Variants in STRBP observed in about 807,000 individuals in gnomAD.
The protein encoded by STRBP is spermatid perinuclear RNA-binding protein.
Under a neutral mutation model 80.1 loss-of-function variants are expected in STRBP, and 13 were observed. The ratio of observed to expected loss-of-function variants is 0.16; its 90% CI spans 0.11 to 0.26. The LOEUF is 0.26. Among genes scored for constraint, STRBP ranks in the 10% least tolerant of loss-of-function variants. The pLI, the probability that STRBP is intolerant of heterozygous loss-of-function variation, is 1.00. For missense variants in STRBP, 485 were observed against 815.2 expected, an observed-to-expected ratio of 0.59 and a Z score of 4.93; for synonymous variants, 284 against 291.2, an observed-to-expected ratio of 0.98 and a Z score of 0.25.
At chr9:123,169,789 T>C in intron 6 of STRBP, 113 bp downstream of exon 6, 1 of 603,120 alleles carries the variant, frequency 1.7e-6, no homozygotes, top group Non-Finnish European at 2.3e-6. Flanking sequence ...ATAAAACAAA[T>C]GAAGGCTGTT....
chr9:123,167,473 G>C (rs889325609), intron 6 of STRBP, among the ~76,000 whole-genome samples: 1 of 152,044 alleles, frequency 6.6e-6, no homozygotes, highest in African/African-American at 2.4e-5. Context: ...TCTGAAGTGC[G>C]TAATTATAGA....
rs1463085655 is a variant in STRBP, at chr9:123,125,127, AT to A, written c.*469del. The A allele has an allele frequency of 1.0e-5, 10 of 986,072 alleles. No homozygotes were observed. The highest frequency in any genetic ancestry group is 1.2e-5 in the Non-Finnish European group (10 of 830,176). 61.1% of individuals were successfully genotyped at this position (986,072 alleles called of 1,614,324 possible). A position where few individuals can be genotyped will look rare whatever the true frequency, so the allele number is the denominator to read the frequency against. On this transcript the variant is annotated 3_prime_UTR_variant, in exon 19 of 19. Transcript: ENST00000348403. Reference sequence around the variant, plus strand: ...AAAAGTCTCTATTGTATTAAAAAAAATAACTACAGCCCAAATTAAAGTGCCC... The same window carrying A: ...AAAAGTCTCTATTGTATTAAAAAAAAAACTACAGCCCAAATTAAAGTGCCC...
At chr9:123,209,255 G>T (rs564129637) in intron 2 of STRBP, among the ~76,000 whole-genome samples, 1 of 152,268 alleles carries the variant, frequency 6.6e-6, no homozygotes, top group Non-Finnish European at 1.5e-5. Context: ...TAAATATGAT[G>T]CTATGGTATA....
chr9:123,171,610 A>C (rs1357237350), intron 5 of STRBP, among the ~76,000 whole-genome samples: 1 of 152,182 alleles, frequency 6.6e-6, no homozygotes, highest in African/African-American at 2.4e-5. Flanking sequence ...ACATGTATAC[A>C]TTTTAATCTG....
intron 2 of STRBP, among the ~76,000 whole-genome samples, chr9:123,198,628 T>C (rs1439767489): frequency 6.6e-6 from 1 of 151,756 alleles, no homozygotes; most frequent in Non-Finnish European, 1.5e-5. Context: ...TTTTTGTTTT[T>C]GTTGCATGTG....
At chr9:123,262,986 C>A (rs961538902) in intron 1 of STRBP, among the ~76,000 whole-genome samples, 2 of 152,218 alleles carry the variant, frequency 1.3e-5, no homozygotes, top group Non-Finnish European at 2.9e-5. Context: ...ATACATTAAA[C>A]TTACATCTCT....
Position 123,124,861 on chromosome 9 carries a change from G to A in STRBP, c.*736C>T. 1 of 985,470 alleles carries A rather than the reference G, an allele frequency of 1.0e-6. No individual in the cohort carries two copies. The highest frequency in any genetic ancestry group is 1.2e-6 in the Non-Finnish European group (1 of 829,928). The allele number at this position is 985,470 out of a possible 1,614,324, so 61.0% of individuals were successfully genotyped here. A position where few individuals can be genotyped will look rare whatever the true frequency, so the allele number is the denominator to read the frequency against. ...AACCTTTATCATGGGGATGGCCCTT[G>A]TACAACAGGAGTACAAAGGGCTTAC... is the stretch of plus-strand genomic sequence containing the variant. On this transcript the variant is annotated 3_prime_UTR_variant, in exon 19 of 19. Coordinates refer to ENST00000348403, the MANE Select transcript of STRBP (RefSeq NM_018387.5).
chr9:123,180,789 T>C, intron 3 of STRBP: 1 of 392,394 alleles, frequency 2.5e-6, no homozygotes, highest in South Asian at 1.1e-4. Flanking sequence ...CACAGCAAAA[T>C]GAACAAGGAT....
chr9:123,252,028 A>T (rs1588156404), intron 1 of STRBP, among the ~76,000 whole-genome samples: 1 of 144,644 alleles, frequency 6.9e-6, no homozygotes, highest in African/African-American at 2.5e-5. Flanking sequence ...AGCACCATCT[A>T]TTTTTTTTTT....
At position 123,123,885 on chromosome 9, in the gene STRBP, T is replaced by C; in HGVS notation, c.*1712A>G. The C allele has an allele frequency of 1.0e-6, 1 of 985,376 alleles. No homozygotes were observed. Among genetic ancestry groups the C allele is most frequent in the Non-Finnish European group, 1.2e-6 (1 of 829,924 alleles). The allele number at this position is 985,376 out of a possible 1,614,324, so 61.0% of individuals were successfully genotyped here. A position where few individuals can be genotyped will look rare whatever the true frequency, so the allele number is the denominator to read the frequency against. On this transcript the variant is annotated 3_prime_UTR_variant, in exon 19 of 19. Transcript: ENST00000348403. Reference sequence around the variant, plus strand: ...GTCAGCAAAACGCATCAATGAAACATGAAAACTCCCAGCTGAAATGGGCCC... The same window carrying C: ...GTCAGCAAAACGCATCAATGAAACACGAAAACTCCCAGCTGAAATGGGCCC...
Position 123,188,468 on chromosome 9 carries a change from T to C in STRBP, c.-164-4170A>G, listed in dbSNP as rs571316190. On this transcript the variant is annotated intron_variant, in intron 2 of 18. Transcript: ENST00000348403. ...CATCCTGGCTAACACGGTGAAACCT[T>C]GTCTCCACTAAAAAATACAAAAAAT... Among the ~76,000 whole-genome samples the C allele has an allele frequency of 1.5e-3, 228 of 152,092 alleles. 2 individuals are homozygous for C. In the Middle Eastern group the frequency reaches 0.034, roughly 23 times the overall value.
intron 7 of STRBP, 81 bp from the exon 8 acceptor site, chr9:123,160,543 A>C: frequency 4.9e-6 from 5 of 1,029,598 alleles, no homozygotes; most frequent in Admixed American, 5.6e-5. Context: ...GTGAATACTA[A>C]GTAGCAAATT....
At chr9:123,267,151 C>T (rs1401635315) in intron 1 of STRBP, among the ~76,000 whole-genome samples, 9 of 151,094 alleles carry the variant, frequency 6.0e-5, no homozygotes, top group African/African-American at 7.3e-5. Flanking sequence ...ACACACTCCA[C>T]GCCACCCCAC....
intron 3 of STRBP, among the ~76,000 whole-genome samples, chr9:123,182,216 TTAAAAAAAAA>T (rs1349724420): frequency 2.1e-5 from 2 of 94,564 alleles, no homozygotes; most frequent in African/African-American, 8.7e-5. Flanking sequence ...CTCCGTTTCT[TTAAAAAAAAA>T]AAAAAAAAAA....
chr9:123,169,325 C>T (rs979524340), intron 6 of STRBP, among the ~76,000 whole-genome samples: 1 of 151,918 alleles, frequency 6.6e-6, no homozygotes, highest in African/African-American at 2.4e-5. Context: ...CCCACCACCA[C>T]GCCTGGCTGA....
rs1227422908 is a variant in STRBP, at chr9:123,236,830, C to G, written c.-165G>C. The stretch of plus-strand genomic sequence containing the variant: ...ACCATCACTTACTTTATCTACTTAC[C>G]TTTATAAGAAGCAACAGTTGAGGCC... On this transcript the variant is annotated splice_region_variant and 5_prime_UTR_variant, in exon 2 of 19. Transcript: ENST00000348403. 1 of 152,008 alleles carries G rather than the reference C, an allele frequency of 6.6e-6. No individual in the cohort carries two copies. The highest frequency in any genetic ancestry group is 1.5e-5 in the Non-Finnish European group (1 of 68,018). 9.4% of individuals were successfully genotyped at this position (152,008 alleles called of 1,614,324 possible).
intron 3 of STRBP, chr9:123,113,154 A>G (rs1349245439): frequency 6.0e-6 from 1 of 167,198 alleles, no homozygotes; most frequent in Non-Finnish European, 1.5e-5. Flanking sequence ...CTAAACGGAA[A>G]GGCGTAACTT....
At chr9:123,181,371 G>A (rs2038450650) in intron 3 of STRBP, among the ~76,000 whole-genome samples, 1 of 152,172 alleles carries the variant, frequency 6.6e-6, no homozygotes, top group Non-Finnish European at 1.5e-5. Flanking sequence ...GGCCACACCT[G>A]AGCAAAACTG....
intron 2 of STRBP, among the ~76,000 whole-genome samples, chr9:123,186,997 T>A (rs2038725247): frequency 6.6e-6 from 1 of 152,044 alleles, no homozygotes; most frequent in Non-Finnish European, 1.5e-5. Flanking sequence ...GAGAAATAAT[T>A]CCACTACTAA....
Sources: gnomAD v4.1 joint callset for allele counts (sites outside exome capture counted in the v4.1 genomes callset) on GRCh38, gnomAD v4.1.1 for gene constraint, MANE v1.5 for transcripts, NCBI Gene and HGNC (gene_info 2026-07-23, HGNC 2026-07-21) for gene names.